The following DPP10 variants were observed in gnomAD, a reference collection of about 807,000 sequenced individuals.
DPP10 encodes dipeptidyl peptidase like 10, also known as inactive dipeptidyl peptidase 10.
DPP10 carries 33 observed loss-of-function variants against 120.9 expected under a neutral mutation model. The ratio of observed to expected loss-of-function variants is 0.27; its 90% CI spans 0.21 to 0.37. The LOEUF is 0.37. Among genes scored for constraint, DPP10 ranks in the 10% least tolerant of loss-of-function variants. DPP10 has a pLI of 1.00. For missense variants in DPP10, 816 were observed against 942.8 expected, an observed-to-expected ratio of 0.87 and a Z score of 1.76; for synonymous variants, 337 against 326.1, an observed-to-expected ratio of 1.03 and a Z score of -0.36.
At chr2:115,140,305 G>A (rs2050858952) in intron 1 of DPP10, among the ~76,000 whole-genome samples, 2 of 152,168 alleles carry the variant, frequency 1.3e-5, no homozygotes, top group African/African-American at 4.8e-5. Context: ...AAAGGAAACA[G>A]CAGGAACAGC....
At chr2:115,704,372 CAAAT>C (rs1424738944) in intron 7 of DPP10, among the ~76,000 whole-genome samples, 1 of 151,908 alleles carries the variant, frequency 6.6e-6, no homozygotes, top group Non-Finnish European at 1.5e-5. Context: ...TCCTCTCTCT[CAAAT>C]AATTTTTAAT....
intron 2 of DPP10, among the ~76,000 whole-genome samples, chr2:115,321,777 C>T (rs760773630): frequency 1.4e-4 from 21 of 151,944 alleles, no homozygotes; most frequent in Non-Finnish European, 2.9e-4. Flanking sequence ...ATTATTTTCA[C>T]TGGTTCTTTC....
intron 1 of DPP10, among the ~76,000 whole-genome samples, chr2:114,529,084 T>C (rs1326802450): frequency 6.6e-6 from 1 of 152,130 alleles, no homozygotes; most frequent in East Asian, 1.9e-4. Context: ...TATCTCCATC[T>C]CTTGCTTTGT....
intron 1 of DPP10, among the ~76,000 whole-genome samples, chr2:115,263,612 A>G (rs1334119955): frequency 6.6e-6 from 1 of 151,120 alleles, no homozygotes; most frequent in Non-Finnish European, 1.5e-5. Flanking sequence ...TTTTCCAGGG[A>G]TACATTTGAC....
intron 1 of DPP10, among the ~76,000 whole-genome samples, chr2:115,212,906 T>C (rs1237440002): frequency 1.1e-4 from 17 of 152,192 alleles, no homozygotes; most frequent in Admixed American, 1.0e-3. Context: ...TTATCACATA[T>C]GGAGTTGAAA....
chr2:115,142,798 C>T (rs2051000603), intron 1 of DPP10, among the ~76,000 whole-genome samples: 1 of 152,128 alleles, frequency 6.6e-6, no homozygotes, highest in African/African-American at 2.4e-5. Context: ...CTCCAGTAGC[C>T]CTTAAGGATC....
chr2:115,343,481 G>A (rs1443449824), intron 2 of DPP10, among the ~76,000 whole-genome samples: 3 of 151,980 alleles, frequency 2.0e-5, no homozygotes, highest in Non-Finnish European at 4.4e-5. Flanking sequence ...GGAAAATAAG[G>A]GGCTGAATTA....
At chr2:115,479,225 T>C (rs1312042871) in intron 3 of DPP10, among the ~76,000 whole-genome samples, 1 of 152,126 alleles carries the variant, frequency 6.6e-6, no homozygotes, top group Non-Finnish European at 1.5e-5. Flanking sequence ...TATTCATCCT[T>C]AGAAAGGAAG....
intron 3 of DPP10, among the ~76,000 whole-genome samples, chr2:115,381,335 T>C (rs995175302): frequency 6.6e-6 from 1 of 152,224 alleles, no homozygotes; most frequent in Non-Finnish European, 1.5e-5. Context: ...TTTCTTCCAG[T>C]TGATCGCGTC....
intron 1 of DPP10, among the ~76,000 whole-genome samples, chr2:115,190,368 A>C (rs1280595263): frequency 6.6e-6 from 1 of 152,034 alleles, no homozygotes. Context: ...TGTTGACGGA[A>C]TCCTAGGGTG....
intron 5 of DPP10, among the ~76,000 whole-genome samples, chr2:115,637,510 G>A (rs977496891): frequency 6.6e-6 from 1 of 152,178 alleles, no homozygotes; most frequent in African/African-American, 2.4e-5. Context: ...AGGTGATAGA[G>A]TAAGATTGGG....
intron 1 of DPP10, among the ~76,000 whole-genome samples, chr2:115,105,160 C>T (rs943811574): frequency 6.6e-6 from 1 of 152,150 alleles, no homozygotes; most frequent in African/African-American, 2.4e-5. Context: ...CTAGGTCTAC[C>T]TCTCTATTGA....
At chr2:114,941,833 A>G (rs1458448179) in intron 1 of DPP10, among the ~76,000 whole-genome samples, 1 of 152,214 alleles carries the variant, frequency 6.6e-6, no homozygotes, top group Non-Finnish European at 1.5e-5. Flanking sequence ...GATGATCTCT[A>G]TAGGGGTGCT....
chr2:115,378,715 C>G (rs367848843), intron 3 of DPP10, among the ~76,000 whole-genome samples: 6 of 151,994 alleles, frequency 3.9e-5, no homozygotes, highest in Admixed American at 1.3e-4. Flanking sequence ...TTATTATTTT[C>G]AAATACATCC....
chr2:115,460,248 A>G (rs1025087998), intron 3 of DPP10, among the ~76,000 whole-genome samples: 1 of 152,072 alleles, frequency 6.6e-6, no homozygotes, highest in Non-Finnish European at 1.5e-5. Flanking sequence ...CTGTTGTATG[A>G]ATGGCTTACA....
chr2:115,156,405 C>G lies in DPP10; in HGVS notation c.61-152834C>G, dbSNP rs184927911. The stretch of plus-strand genomic sequence containing the variant: ...AGAATCTTCGACTATCTCTTGTTTT[C>G]TAGGGGAAAATTCATGGGAGAATTT... On this transcript the variant is annotated intron_variant, in intron 1 of 25. Coordinates refer to ENST00000410059, the MANE Select transcript of DPP10 (RefSeq NM_020868.6). 3.9e-5 allele frequency among the ~76,000 whole-genome samples: 6 copies of G among 152,232 alleles called. No homozygotes were observed. The East Asian group carries it at 5.8e-4, about 15-fold the overall frequency.
intron 5 of DPP10, among the ~76,000 whole-genome samples, chr2:115,688,645 C>T (rs2091140905): frequency 6.6e-6 from 1 of 152,050 alleles, no homozygotes; most frequent in African/African-American, 2.4e-5. Context: ...CATCTCTTTC[C>T]CTAACCCATC....
At chr2:115,114,183 C>CT (rs948468993) in intron 1 of DPP10, among the ~76,000 whole-genome samples, 9 of 152,144 alleles carry the variant, frequency 5.9e-5, no homozygotes, top group Non-Finnish European at 1.2e-4. Context: ...AACATATCTC[C>CT]TTTTTTATAA....
At chr2:114,937,059 CTGAT>C (rs1246087935) in intron 1 of DPP10, among the ~76,000 whole-genome samples, 2 of 152,014 alleles carry the variant, frequency 1.3e-5, no homozygotes, top group Non-Finnish European at 2.9e-5. Flanking sequence ...GTGAACTCTA[CTGAT>C]TATTTCTTTT....
Sources: allele counts gnomAD v4.1 joint callset (sites outside exome capture counted in the v4.1 genomes callset), GRCh38; gene constraint gnomAD v4.1.1; transcripts MANE v1.5; gene names NCBI Gene and HGNC (gene_info 2026-07-23, HGNC 2026-07-21).